The following KCNT2 variants were observed in gnomAD, a reference collection of about 807,000 sequenced individuals.
KCNT2 encodes potassium sodium-activated channel subfamily T member 2.
Under a neutral mutation model 153.8 loss-of-function variants are expected in KCNT2, and 67 were observed. That is an observed-to-expected ratio of 0.44 (90% CI 0.36 to 0.53). The LOEUF (loss-of-function observed/expected upper bound fraction) is 0.53, where lower values mean the gene tolerates loss of function less well. Among genes scored for constraint, KCNT2 ranks in the 20% least tolerant of loss-of-function variants. The pLI is 0.00. For synonymous variants in KCNT2, 500 were observed against 458.8 expected (o/e 1.09, Z -1.15); for missense variants, 975 against 1,354.8 (o/e 0.72, Z 4.40).
In KCNT2 at chr1:196,429,767, C is replaced by T. The variant is rs377441874; in HGVS notation, c.639-10G>A. On this transcript the variant is annotated splice_polypyrimidine_tract_variant and intron_variant, in intron 8 of 27. Transcript: ENST00000294725. ...TTGGATCCCACAAATGCTAAAGAAA[C>T]AAATATGCATTACAATTAAATCTTT... 5.7e-6 allele frequency: 9 copies of T among 1,567,078 alleles called. No individual in the cohort carries two copies. The African/African-American group carries it at 8.2e-5, about 14-fold the overall frequency.
chr1:196,309,810 A>G (rs769413585), intron 21 of KCNT2, among the ~76,000 whole-genome samples: 4 of 151,904 alleles, frequency 2.6e-5, no homozygotes, highest in Non-Finnish European at 4.4e-5. Flanking sequence ...ACATTTTAGA[A>G]TTAAAATGAA....
intron 20 of KCNT2, 26 bp from the exon 21 acceptor site, chr1:196,316,052 A>G (rs1662683128): frequency 6.2e-7 from 1 of 1,601,526 alleles, no homozygotes; most frequent in Non-Finnish European, 8.5e-7. Flanking sequence ...ACAGAGAAAA[A>G]CAAACATTAA....
intron 8 of KCNT2, among the ~76,000 whole-genome samples, chr1:196,454,837 C>T (rs1241883728): frequency 2.0e-5 from 3 of 151,926 alleles, no homozygotes; most frequent in Admixed American, 6.6e-5. Flanking sequence ...TAGGCTCAGC[C>T]GGTTTCTTCT....
rs182377225 is a variant in KCNT2, at chr1:196,504,233, C to G, written c.96-11892G>C. Among the ~76,000 whole-genome samples, 4 of 137,484 alleles carry G rather than the reference C, an allele frequency of 2.9e-5. 1 individual carries two copies. Among genetic ancestry groups the G allele is most frequent in the South Asian group, 5.4e-4 (2 of 3,726 alleles). 90.2% of individuals were successfully genotyped at this position (137,484 alleles called of 152,430 possible). A position where few individuals can be genotyped will look rare whatever the true frequency, so the allele number is the denominator to read the frequency against. ...ATATCTCCTAATGCTATCCCTCCCC[C>G]CTCCCCCCATCCCACAACAGTCCCC... On this transcript the variant is annotated intron_variant, in intron 1 of 27. Transcript: ENST00000294725.
chr1:196,533,872 A>G (rs1655239162), intron 1 of KCNT2, among the ~76,000 whole-genome samples: 1 of 152,166 alleles, frequency 6.6e-6, no homozygotes, highest in Admixed American at 6.5e-5. Context: ...CCATGACACT[A>G]AAGAATGGGT....
intron 25 of KCNT2, among the ~76,000 whole-genome samples, chr1:196,272,563 G>T (rs879913751): frequency 1.3e-5 from 2 of 151,794 alleles, no homozygotes; most frequent in Admixed American, 1.3e-4. Context: ...ATGTATTTGT[G>T]TTTCATGTTA....
At position 196,465,283 on chromosome 1, in the gene KCNT2, A is replaced by T; in HGVS notation, c.638+10T>A. 7.2e-7 allele frequency: 1 copy of T among 1,381,418 alleles called. No homozygotes were observed. Among genetic ancestry groups the T allele is most frequent in the Admixed American group, 1.7e-5 (1 of 57,286 alleles). The allele number at this position is 1,381,418 out of a possible 1,614,324, so 85.6% of individuals were successfully genotyped here. On this transcript the variant is annotated intron_variant, in intron 8 of 27. Coordinates refer to ENST00000294725, the MANE Select transcript of KCNT2 (RefSeq NM_198503.5). ...AAACATAACACAAATTCTGATATGT[A>T]CAATCTTACCAGGTGAAGATAAGGC...
intron 1 of KCNT2, among the ~76,000 whole-genome samples, chr1:196,565,042 G>C (rs1011602231): frequency 4.0e-5 from 6 of 150,584 alleles, no homozygotes; most frequent in African/African-American, 1.5e-4. Context: ...CTACAGAATA[G>C]GAGAAAATAT....
At chr1:196,579,501 TC>T (rs1467742702) in intron 1 of KCNT2, among the ~76,000 whole-genome samples, 2 of 151,740 alleles carry the variant, frequency 1.3e-5, no homozygotes, top group African/African-American at 4.8e-5. Context: ...AAGTAGAAAT[TC>T]TTTTTTTTTG....
chr1:196,449,730 A>C (rs1675989854), intron 8 of KCNT2, among the ~76,000 whole-genome samples: 2 of 151,694 alleles, frequency 1.3e-5, no homozygotes, highest in African/African-American at 4.8e-5. Flanking sequence ...CACAATCTTC[A>C]TTATAAGGAC....
chr1:196,542,525 A>G (rs1656517991), intron 1 of KCNT2, among the ~76,000 whole-genome samples: 1 of 152,118 alleles, frequency 6.6e-6, no homozygotes, highest in Non-Finnish European at 1.5e-5. Context: ...ACAACTTTCT[A>G]CAGTACACCT....
At chr1:196,470,816 G>C (rs1021058359) in intron 5 of KCNT2, among the ~76,000 whole-genome samples, 1 of 151,896 alleles carries the variant, frequency 6.6e-6, no homozygotes, top group African/African-American at 2.4e-5. Context: ...AGGATAGGGA[G>C]AAGCCATCTT....
At chr1:196,446,611 C>G (rs1675707242) in intron 8 of KCNT2, among the ~76,000 whole-genome samples, 1 of 151,458 alleles carries the variant, frequency 6.6e-6, no homozygotes. Context: ...AATAAGCCTT[C>G]TCTGTGAAAT....
chr1:196,415,701 A>G (rs528710185), intron 12 of KCNT2, among the ~76,000 whole-genome samples: 1 of 151,834 alleles, frequency 6.6e-6, no homozygotes, highest in African/African-American at 2.4e-5. Context: ...AAAACAATTA[A>G]AAGAGATTCC....
At chr1:196,291,814 T>C (rs1660212997) in intron 22 of KCNT2, among the ~76,000 whole-genome samples, 1 of 152,172 alleles carries the variant, frequency 6.6e-6, no homozygotes, top group Non-Finnish European at 1.5e-5. Flanking sequence ...TAGGTCATGG[T>C]AGCAACTGGC....
chr1:196,431,688 C>T (rs933385293), intron 8 of KCNT2, among the ~76,000 whole-genome samples: 11 of 152,072 alleles, frequency 7.2e-5, no homozygotes, highest in African/African-American at 2.4e-4. Context: ...GCAAAGTGTT[C>T]GAGGCGATGT....
At chr1:196,593,612 G>A (rs1002545125) in intron 1 of KCNT2, among the ~76,000 whole-genome samples, 1 of 151,788 alleles carries the variant, frequency 6.6e-6, no homozygotes, top group Non-Finnish European at 1.5e-5. Flanking sequence ...TTTCCATGAT[G>A]TGATTATTAC....
At chr1:196,385,994 G>A (rs548449738) in intron 13 of KCNT2, among the ~76,000 whole-genome samples, 2 of 152,162 alleles carry the variant, frequency 1.3e-5, no homozygotes, top group South Asian at 2.1e-4. Flanking sequence ...AGGCTATGCC[G>A]TAAAAGGCAT....
intron 8 of KCNT2, among the ~76,000 whole-genome samples, chr1:196,444,488 T>A (rs1675518412): frequency 6.6e-6 from 1 of 151,308 alleles, no homozygotes; most frequent in Non-Finnish European, 1.5e-5. Context: ...AAAAAGGGAA[T>A]TCTTGATAGG....
Sources: allele counts gnomAD v4.1 joint callset (sites outside exome capture counted in the v4.1 genomes callset), GRCh38; gene constraint gnomAD v4.1.1; transcripts MANE v1.5; gene names NCBI Gene and HGNC (gene_info 2026-07-23, HGNC 2026-07-21).